The following DOP1B variants were observed in gnomAD, a reference collection of about 807,000 sequenced individuals.
DOP1B encodes the protein protein DOP1B.
In DOP1B, 174 loss-of-function variants were observed where a neutral mutation model predicts 233.5. The observed-to-expected ratio is 0.75, with a 90% confidence interval of 0.66 to 0.85. DOP1B has a LOEUF of 0.85. DOP1B is among the 40% of genes least tolerant of loss of function. The pLI, the probability that DOP1B is intolerant of heterozygous loss-of-function variation, is 0.00. For synonymous variants in DOP1B, 1,190 were observed against 1,185.6 expected, an observed-to-expected ratio of 1.00 and a Z score of -0.08; for missense variants, 2,652 against 2,846.6, an observed-to-expected ratio of 0.93 and a Z score of 1.56.
At chr21:36,174,581 T>G (rs1384690951) in intron 2 of DOP1B, among the ~76,000 whole-genome samples, 2 of 152,258 alleles carry the variant, frequency 1.3e-5, no homozygotes, top group South Asian at 2.1e-4. Flanking sequence ...CTCAGTTTAC[T>G]GCAACCTCTG....
At chr21:36,222,602 A>C (rs2123521279) in intron 10 of DOP1B, among the ~76,000 whole-genome samples, 1 of 152,110 alleles carries the variant, frequency 6.6e-6, no homozygotes, top group African/African-American at 2.4e-5. Flanking sequence ...AAAAGAAGAT[A>C]AACATTTAAA....
At chr21:36,219,591 G>A in intron 10 of DOP1B, 99 bp downstream of exon 10, 2 of 1,515,078 alleles carry the variant, frequency 1.3e-6, no homozygotes, top group Non-Finnish European at 1.8e-6. Flanking sequence ...AAGTGGTAGA[G>A]AAAGCAGAGA....
At chr21:36,194,911 C>G (rs1228412774) in intron 2 of DOP1B, among the ~76,000 whole-genome samples, 1 of 152,026 alleles carries the variant, frequency 6.6e-6, no homozygotes, top group Non-Finnish European at 1.5e-5. Context: ...GCCTTGCTCA[C>G]ATTATTCACA....
At position 36,271,914 on chromosome 21, in the gene DOP1B, C is replaced by A. The variant is rs970847226; in HGVS notation, c.5632+1757C>A. 2.0e-5 allele frequency among the ~76,000 whole-genome samples: 3 copies of A among 149,706 alleles called. No individual in the cohort carries two copies. The South Asian group carries it at 6.4e-4, about 32-fold the overall frequency. On this transcript the variant is annotated intron_variant, in intron 27 of 36. Coordinates refer to ENST00000691173, the MANE Select transcript of DOP1B (RefSeq NM_001320714.2). ...TTGGGAGGCTGAGGTGGGCGGGTCG[C>A]CTGAGGTGATTACAAATGATCCTTT...
At chr21:36,224,026 T>C (rs796848351) in intron 11 of DOP1B, among the ~76,000 whole-genome samples, 22 of 152,270 alleles carry the variant, frequency 1.4e-4, no homozygotes, top group African/African-American at 4.1e-4. Context: ...CTGCTACCAC[T>C]ACACTTTTCT....
At chr21:36,216,850 G>C (rs2066565516) in intron 9 of DOP1B, among the ~76,000 whole-genome samples, 1 of 152,044 alleles carries the variant, frequency 6.6e-6, no homozygotes, top group African/African-American at 2.4e-5. Flanking sequence ...GCCAAGGTGG[G>C]CCTCACTTGA....
At chr21:36,275,529 A>G (rs895485840) in intron 27 of DOP1B, among the ~76,000 whole-genome samples, 1 of 151,858 alleles carries the variant, frequency 6.6e-6, no homozygotes, top group Non-Finnish European at 1.5e-5. Context: ...TGAGGTGGGA[A>G]GATCACTTGA....
intron 2 of DOP1B, among the ~76,000 whole-genome samples, chr21:36,185,567 T>C (rs1341163406): frequency 1.3e-5 from 2 of 152,172 alleles, no homozygotes; most frequent in Non-Finnish European, 2.9e-5. Flanking sequence ...TTCCCAGGTG[T>C]ATGACGAGTA....
At position 36,227,683 on chromosome 21, in the gene DOP1B, C is replaced by T; in HGVS notation, c.1474-3C>T. On this transcript the variant is annotated splice_region_variant and splice_polypyrimidine_tract_variant and intron_variant, in intron 12 of 36. Transcript: ENST00000691173. ...GGGGTTAACCTACACGTTTATTTCA[C>T]AGGAACTTTACTCTGAGGTGCAAAC... 1 of 1,522,316 alleles carries T rather than the reference C, an allele frequency of 6.6e-7. No homozygotes were observed. Among genetic ancestry groups the T allele is most frequent in the Non-Finnish European group, 8.9e-7 (1 of 1,126,532 alleles). The allele number at this position is 1,522,316 out of a possible 1,614,324, so 94.3% of individuals were successfully genotyped here. A position where few individuals can be genotyped will look rare whatever the true frequency, so the allele number is the denominator to read the frequency against.
intron 18 of DOP1B, among the ~76,000 whole-genome samples, 183 bp downstream of exon 18, chr21:36,240,138 G>A (rs577580959): frequency 1.3e-5 from 2 of 152,254 alleles, no homozygotes; most frequent in East Asian, 3.9e-4. Flanking sequence ...AACTATTAGG[G>A]AGTGGGTTTG....
chr21:36,289,001 G>A, intron 34 of DOP1B, 44 bp from the exon 35 acceptor site: 1 of 1,604,106 alleles, frequency 6.2e-7, no homozygotes, highest in Non-Finnish European at 8.5e-7. Flanking sequence ...GACTATAACA[G>A]ATCTGAATGA....
chr21:36,177,392 T>C (rs1458152045), intron 2 of DOP1B, among the ~76,000 whole-genome samples: 1 of 152,180 alleles, frequency 6.6e-6, no homozygotes, highest in Non-Finnish European at 1.5e-5. Context: ...GCCAGGATAG[T>C]CTATTTACTT....
chr21:36,256,764 GA>G (rs139779302), intron 23 of DOP1B, among the ~76,000 whole-genome samples: 4,200 of 143,604 alleles, frequency 0.029, 86 homozygotes, highest in Non-Finnish European at 0.041. Context: ...TCTATATCTG[GA>G]AAAAAAAAAA....
intron 26 of DOP1B, among the ~76,000 whole-genome samples, chr21:36,265,735 A>G (rs1339834225): frequency 3.3e-5 from 5 of 152,150 alleles, no homozygotes. Flanking sequence ...CCTCCCCGCC[A>G]CTAATTCCTT....
At chr21:36,270,943 C>A (rs9978339) in intron 27 of DOP1B, among the ~76,000 whole-genome samples, 83,199 of 148,258 alleles carry the variant, frequency 0.56, 23,775 homozygotes, top group African/African-American at 0.66. Context: ...AAGAAAGTAC[C>A]TGAGGTGATG....
chr21:36,172,683 C>G (rs1485761353), intron 2 of DOP1B, among the ~76,000 whole-genome samples: 1 of 152,134 alleles, frequency 6.6e-6, no homozygotes, highest in Non-Finnish European at 1.5e-5. Context: ...ATCCCTGGAG[C>G]CTCAGCCTGG....
At chr21:36,222,885 G>T (rs1465478178) in intron 10 of DOP1B, among the ~76,000 whole-genome samples, 2 of 151,798 alleles carry the variant, frequency 1.3e-5, no homozygotes, top group Non-Finnish European at 2.9e-5. Flanking sequence ...ACAGGTATCC[G>T]CCATCATGCC....
At chr21:36,211,247 T>C (rs984840742) in intron 5 of DOP1B, among the ~76,000 whole-genome samples, 7 of 152,244 alleles carry the variant, frequency 4.6e-5, no homozygotes, top group African/African-American at 1.7e-4. Context: ...TCTTCAGAGC[T>C]TTAGTTTAAG....
At chr21:36,255,091 A>G (rs1272857278) in intron 23 of DOP1B, among the ~76,000 whole-genome samples, 1 of 151,442 alleles carries the variant, frequency 6.6e-6, no homozygotes, top group Non-Finnish European at 1.5e-5. Context: ...CTGGGAGTAC[A>G]GGTGCATGCT....
Sources: allele counts gnomAD v4.1 joint callset (sites outside exome capture counted in the v4.1 genomes callset), GRCh38; gene constraint gnomAD v4.1.1; transcripts MANE v1.5; gene names NCBI Gene and HGNC (gene_info 2026-07-23, HGNC 2026-07-21).